Variants in GLI2 observed in about 807,000 individuals in gnomAD.
GLI2 encodes the protein transcription activator GLI2.
Under a neutral mutation model 78.9 loss-of-function variants are expected in GLI2, and 22 were observed. The observed-to-expected ratio is 0.28, with a 90% confidence interval of 0.20 to 0.40. The LOEUF (loss-of-function observed/expected upper bound fraction) is 0.40, where lower values mean the gene tolerates loss of function less well. Among genes scored for constraint, GLI2 ranks in the 10% least tolerant of loss-of-function variants. The probability of loss-of-function intolerance (pLI) is 1.00; values close to 1 mark genes in which losing one functional copy is unlikely to be tolerated. For missense variants in GLI2, 2,097 were observed against 2,213.2 expected, an observed-to-expected ratio of 0.95 and a Z score of 1.05; for synonymous variants, 974 against 963.7, an observed-to-expected ratio of 1.01 and a Z score of -0.20.
At position 120,776,755 on chromosome 2, in the gene GLI2, G is replaced by A. The variant is rs553267960; in HGVS notation, c.-30-20536G>A. 3.9e-5 allele frequency among the ~76,000 whole-genome samples: 6 copies of A among 152,332 alleles called. No individual in the cohort carries two copies. In the South Asian group the frequency reaches 1.0e-3, roughly 26 times the overall value. On this transcript the variant is annotated intron_variant, in intron 1 of 13. Transcript: ENST00000361492. ...GGCTGTGGAGGCCTGGGGCTGAGCC[G>A]GGGCAGAGGCATCCTAGCCGGCGTT...
chr2:120,983,944 G>GT (rs1553477403), intron 11 of GLI2, among the ~76,000 whole-genome samples: 42,077 of 119,068 alleles, frequency 0.35, 6,206 homozygotes, highest in South Asian at 0.56. Flanking sequence ...CGTGGTGTGT[G>GT]GGGTGTGTGT....
At chr2:120,958,707 G>T (rs1558915033) in intron 5 of GLI2, among the ~76,000 whole-genome samples, 1 of 152,144 alleles carries the variant, frequency 6.6e-6, no homozygotes, top group East Asian at 1.9e-4. Context: ...CAGGTCCCCA[G>T]ATACCTCCCT....
intron 1 of GLI2, among the ~76,000 whole-genome samples, chr2:120,749,397 G>T (rs1031456880): frequency 1.3e-5 from 2 of 152,152 alleles, no homozygotes; most frequent in African/African-American, 4.8e-5. Flanking sequence ...ATCTAAGCAT[G>T]TGGTATAGTT....
intron 2 of GLI2, among the ~76,000 whole-genome samples, chr2:120,896,788 C>T (rs1319533194): frequency 2.0e-5 from 3 of 151,716 alleles, no homozygotes; most frequent in Non-Finnish European, 4.4e-5. Context: ...CCAGCTTGGG[C>T]GTTAATCCCT....
Position 120,989,368 on chromosome 2 carries a change from G to A in GLI2, c.3403G>A (p.Gly1135Ser). The A allele has an allele frequency of 1.2e-6, 2 of 1,612,990 alleles. No individual in the cohort carries two copies. The highest frequency in any genetic ancestry group is 1.7e-6 in the Non-Finnish European group (2 of 1,179,986). The stretch of plus-strand genomic sequence containing the variant: ...TGTGCAGTGGAATGAGGTGAGCTCC[G>A]GCACCGTAGACGCCCTGGCCAGCCA... ...MPVQWNEVSSGTVDALASQVK... is the reference protein window; with the variant it reads ...MPVQWNEVSSSTVDALASQVK... The change falls in exon 14 of 14, where the codon GGC becomes AGC. Residue 1135 changes from glycine (G) to serine (S), a missense_variant. This residue lies in a region of GLI2 where 1,290 missense variants were observed against 1,261.7 expected (regional missense o/e 1.02). Coordinates refer to ENST00000361492, the MANE Select transcript of GLI2 (RefSeq NM_001374353.1).
chr2:120,853,588 A>G (rs1687508349), intron 2 of GLI2, among the ~76,000 whole-genome samples: 1 of 152,236 alleles, frequency 6.6e-6, no homozygotes, highest in South Asian at 2.1e-4. Flanking sequence ...AGTCCCTTGC[A>G]TATTAAGAGA....
At chr2:120,769,626 G>A (rs1206699707) in intron 1 of GLI2, among the ~76,000 whole-genome samples, 2 of 152,244 alleles carry the variant, frequency 1.3e-5, no homozygotes, top group African/African-American at 4.8e-5. Flanking sequence ...CAGTGCTCAT[G>A]CATGTGCGTG....
chr2:120,919,126 T>C (rs997525108), intron 2 of GLI2, among the ~76,000 whole-genome samples: 1 of 151,840 alleles, frequency 6.6e-6, no homozygotes, highest in Admixed American at 6.6e-5. Flanking sequence ...AAGCAACCAG[T>C]AAGCCATCTA....
chr2:120,906,707 C>T (rs1678551455), intron 2 of GLI2, among the ~76,000 whole-genome samples: 2 of 152,118 alleles, frequency 1.3e-5, no homozygotes, highest in Admixed American at 1.3e-4. Context: ...TCAAACTCAG[C>T]ACTTTCTCGC....
At chr2:120,746,679 A>G (rs375117852) in intron 1 of GLI2, among the ~76,000 whole-genome samples, 9 of 152,206 alleles carry the variant, frequency 5.9e-5, no homozygotes, top group South Asian at 2.1e-4. Flanking sequence ...AAAATACTAA[A>G]AAAAGCCGCA....
intron 1 of GLI2, among the ~76,000 whole-genome samples, chr2:120,793,919 G>A (rs1270102766): frequency 1.3e-5 from 2 of 152,220 alleles, no homozygotes; most frequent in African/African-American, 2.4e-5. Flanking sequence ...TCCCCATGGG[G>A]GCCTCAGCTT....
intron 2 of GLI2, among the ~76,000 whole-genome samples, chr2:120,875,824 C>G (rs1209472452): frequency 6.6e-6 from 1 of 152,096 alleles, no homozygotes; most frequent in Non-Finnish European, 1.5e-5. Context: ...GGGGGGCTGG[C>G]CTACCAGATG....
chr2:120,971,780 C>A (rs891812159), intron 7 of GLI2, among the ~76,000 whole-genome samples, 161 bp from the exon 8 acceptor site: 1 of 152,192 alleles, frequency 6.6e-6, no homozygotes, highest in Admixed American at 6.5e-5. Flanking sequence ...AGGACATGTG[C>A]CCCTGGCAGG....
At position 120,991,754 on chromosome 2, in the gene GLI2, G is replaced by A. The variant is rs1382919825; in HGVS notation, c.*1079G>A. The stretch of plus-strand genomic sequence containing the variant: ...CCAGTGTTCTCCACCAAGCCACAGT[G>A]TGCATGCCTGGTATCCTCCGGATTC... On this transcript the variant is annotated 3_prime_UTR_variant, in exon 14 of 14. Coordinates refer to ENST00000361492, the MANE Select transcript of GLI2 (RefSeq NM_001374353.1). 3 of 152,692 alleles carry A rather than the reference G, an allele frequency of 2.0e-5. No homozygotes were observed. Among genetic ancestry groups the A allele is most frequent in the Non-Finnish European group, 4.4e-5 (3 of 68,116 alleles). 9.5% of individuals were successfully genotyped at this position (152,692 alleles called of 1,614,324 possible). A position where few individuals can be genotyped will look rare whatever the true frequency, so the allele number is the denominator to read the frequency against.
chr2:120,891,296 G>A (rs1020153789), intron 2 of GLI2, among the ~76,000 whole-genome samples: 7 of 152,142 alleles, frequency 4.6e-5, no homozygotes, highest in Non-Finnish European at 8.8e-5. Flanking sequence ...ACAAGTGGGT[G>A]TAGGCAGAGA....
At chr2:120,801,482 C>T (rs1309147324) in intron 2 of GLI2, among the ~76,000 whole-genome samples, 1 of 152,182 alleles carries the variant, frequency 6.6e-6, no homozygotes, top group African/African-American at 2.4e-5. Context: ...AAACAGCCTA[C>T]CTGTTCATTG....
At chr2:120,947,897 C>CG (rs1315953042) in intron 3 of GLI2, among the ~76,000 whole-genome samples, 2 of 152,236 alleles carry the variant, frequency 1.3e-5, no homozygotes, top group African/African-American at 4.8e-5. Flanking sequence ...TCAGGCCCGG[C>CG]ACTGCAGCCT....
intron 1 of GLI2, among the ~76,000 whole-genome samples, chr2:120,778,911 G>A (rs1683759312): frequency 6.6e-6 from 1 of 152,204 alleles, no homozygotes; most frequent in South Asian, 2.1e-4. Context: ...GGTCACTTGG[G>A]CCACCAGGCT....
intron 1 of GLI2, among the ~76,000 whole-genome samples, chr2:120,774,886 CT>C (rs1683631497): frequency 2.0e-5 from 3 of 152,210 alleles, no homozygotes; most frequent in Non-Finnish European, 4.4e-5. Context: ...GTTTGCCAGC[CT>C]TTGCACCCCA....
Sources: allele counts gnomAD v4.1 joint callset (sites outside exome capture counted in the v4.1 genomes callset), GRCh38; gene constraint gnomAD v4.1.1; regional missense constraint gnomAD v4.1.1; transcripts MANE v1.5; gene names NCBI Gene and HGNC (gene_info 2026-07-23, HGNC 2026-07-21).